The following RAET1E variants were observed in gnomAD, a reference collection of about 807,000 sequenced individuals.
RAET1E encodes the protein NKG2D ligand 4.
A neutral mutation model predicts 21.1 loss-of-function variants in RAET1E; 27 were observed. That is an observed-to-expected ratio of 1.28 (90% CI 0.94 to 1.76). The LOEUF is 1.76. Among genes scored for constraint, RAET1E ranks in the 40% most tolerant of loss-of-function variants. The pLI, the probability that RAET1E is intolerant of heterozygous loss-of-function variation, is 0.00. For synonymous variants in RAET1E, 113 were observed against 115.0 expected (o/e 0.98, Z 0.11); for missense variants, 310 against 311.3 (o/e 1.00, Z 0.03).
intron 3 of RAET1E, 101 bp from the exon 4 acceptor site, chr6:149,890,246 A>G: frequency 7.5e-7 from 1 of 1,337,958 alleles, no homozygotes; most frequent in Non-Finnish European, 1.0e-6. Flanking sequence ...CCAGGCTAGC[A>G]GAGGCGGGGC....
chr6:149,886,782 T>A lies in RAET1E; in HGVS notation c.*1716A>T, dbSNP rs1191632441. Among the ~76,000 whole-genome samples, 3 of 152,230 alleles carry A rather than the reference T, an allele frequency of 2.0e-5. No homozygotes were observed. Among genetic ancestry groups the A allele is most frequent in the Non-Finnish European group, 4.4e-5 (3 of 68,040 alleles). ...ACACTCCCTGTCAACCCCTTTGCTC[T>A]GTCATTTAGCTTTGATCAGCTTTTT... On this transcript the variant is annotated 3_prime_UTR_variant, in exon 6 of 6. Coordinates refer to ENST00000357183, the MANE Select transcript of RAET1E (RefSeq NM_001394057.1).
chr6:149,890,708 A>C lies in RAET1E; in HGVS notation c.85+109T>G, dbSNP rs1343451703. 3 of 745,950 alleles carry C rather than the reference A, an allele frequency of 4.0e-6. No homozygotes were observed. In the East Asian group the frequency reaches 7.9e-5, roughly 20 times the overall value. 46.2% of individuals were successfully genotyped at this position (745,950 alleles called of 1,614,324 possible). On this transcript the variant is annotated intron_variant, in intron 3 of 5. Transcript: ENST00000357183. The stretch of plus-strand genomic sequence containing the variant: ...GGATCCTCTTCCTCACGTCATCCTT[A>C]AGAGCAGGCACCCACTTGTCTGAAG...
In RAET1E at chr6:149,884,080, T is replaced by C. The variant is rs563366419; in HGVS notation, c.*4418A>G. The C allele has an allele frequency of 5.6e-6, 1 of 180,070 alleles. No individual in the cohort carries two copies. Among genetic ancestry groups the C allele is most frequent in the Non-Finnish European group, 1.2e-5 (1 of 84,524 alleles). The allele number at this position is 180,070 out of a possible 1,614,324, so 11.2% of individuals were successfully genotyped here. On this transcript the variant is annotated 3_prime_UTR_variant, in exon 6 of 6. Transcript: ENST00000357183. Reference sequence around the variant, plus strand: ...TCTCTGTTCTTTGCTTATCTCTCTTTTCTCCCTCACTTTTCTTCTCTCCCT... The same window carrying C: ...TCTCTGTTCTTTGCTTATCTCTCTTCTCTCCCTCACTTTTCTTCTCTCCCT...
chr6:149,897,651 C>T (rs983097446), intron 1 of RAET1E, among the ~76,000 whole-genome samples: 1 of 151,966 alleles, frequency 6.6e-6, no homozygotes, highest in Non-Finnish European at 1.5e-5. Context: ...TTGGCATAAG[C>T]GGAAGGGAGG....
Position 149,884,770 on chromosome 6 carries a change from A to G in RAET1E, c.*3728T>C, listed in dbSNP as rs1777535479. On this transcript the variant is annotated 3_prime_UTR_variant, in exon 6 of 6. Coordinates refer to ENST00000357183, the MANE Select transcript of RAET1E (RefSeq NM_001394057.1). The stretch of plus-strand genomic sequence containing the variant: ...CAGTGGGAACACAGTGGGAAGGCCC[A>G]CAGCGGGGGCAAGAGTCTTCCAGCT... Among the ~76,000 whole-genome samples the G allele has an allele frequency of 1.3e-5, 2 of 152,220 alleles. No homozygotes were observed. Among genetic ancestry groups the G allele is most frequent in the African/African-American group, 4.8e-5 (2 of 41,456 alleles).
chr6:149,893,541 A>C (rs1266284864), intron 2 of RAET1E, among the ~76,000 whole-genome samples: 1 of 152,168 alleles, frequency 6.6e-6, no homozygotes, highest in African/African-American at 2.4e-5. Context: ...TGATTTTTGC[A>C]CATTGATTTT....
In RAET1E at chr6:149,898,107, ACTCT is replaced by A. The variant is rs1778187138; in HGVS notation, c.-411_-408del. ...CTGCTTCCTCAGAGTCTCTGTGCAA[ACTCT>A]CTGAGGAGCAGAAACCAGTTCAGTC... On this transcript the variant is annotated 5_prime_UTR_variant, in exon 1 of 6. Coordinates refer to ENST00000357183, the MANE Select transcript of RAET1E (RefSeq NM_001394057.1). 1 of 151,918 alleles carries A rather than the reference ACTCT, an allele frequency of 6.6e-6. No individual in the cohort carries two copies. The highest frequency in any genetic ancestry group is 2.1e-4 in the South Asian group (1 of 4,808). 9.4% of individuals were successfully genotyped at this position (151,918 alleles called of 1,614,324 possible). A position where few individuals can be genotyped will look rare whatever the true frequency, so the allele number is the denominator to read the frequency against.
intron 3 of RAET1E, 127 bp from the exon 4 acceptor site, chr6:149,890,272 T>A: frequency 1.1e-6 from 1 of 924,422 alleles, no homozygotes; most frequent in Non-Finnish European, 1.6e-6. Flanking sequence ...CATCCCAGAC[T>A]CCCTCAACCT....
chr6:149,897,098 G>A (rs1696065715), intron 1 of RAET1E, among the ~76,000 whole-genome samples: 2 of 152,180 alleles, frequency 1.3e-5, no homozygotes, highest in Admixed American at 6.5e-5. Flanking sequence ...AGTGGCATGA[G>A]CACGGCTCAC....
rs149890564 is a variant in RAET1E, at chr6:149,890,983, G to A, written c.-82C>T. ...TGGTGAAGAAATGTTATCCAACAGC[G>A]TGGGTGTGGGCACTGCCCAAATTCT... On this transcript the variant is annotated 5_prime_UTR_variant, in exon 3 of 6. It adds an upstream start codon to the 5' untranslated region. Coordinates refer to ENST00000357183, the MANE Select transcript of RAET1E (RefSeq NM_001394057.1). The A allele has an allele frequency of 6.7e-3, 6,871 of 1,026,426 alleles. 46 individuals carry two copies. The highest frequency in any genetic ancestry group is 0.013 in the Middle Eastern group (63 of 4,866). The allele number at this position is 1,026,426 out of a possible 1,614,324, so 63.6% of individuals were successfully genotyped here. A position where few individuals can be genotyped will look rare whatever the true frequency, so the allele number is the denominator to read the frequency against.
chr6:149,889,907 G>C lies in RAET1E; in HGVS notation c.324C>G (p.Ile108Met). ...TACCACTGGTCTTTATCTGGGGTTTGATGTCACAAAGGAGCATCCTGAGGT... is the reference window on the plus strand; with the variant it reads ...TACCACTGGTCTTTATCTGGGGTTTCATGTCACAAAGGAGCATCCTGAGGT... ...GRDLRMLLCDIKPQIKTSDPS... is the reference protein window; with the variant it reads ...GRDLRMLLCDMKPQIKTSDPS... Residue 108 changes from isoleucine to methionine, a missense_variant, in exon 4 of 6, where the codon ATC becomes ATG. Transcript: ENST00000357183. The C allele has an allele frequency of 6.2e-7, 1 of 1,613,654 alleles. No individual in the cohort carries two copies. Among genetic ancestry groups the C allele is most frequent in the East Asian group, 2.2e-5 (1 of 44,862 alleles).
intron 2 of RAET1E, among the ~76,000 whole-genome samples, chr6:149,894,568 G>A (rs1373201617): frequency 6.6e-6 from 1 of 151,742 alleles, no homozygotes; most frequent in East Asian, 1.9e-4. Flanking sequence ...TGATTGATTT[G>A]GCTATTGATA....
chr6:149,897,856 TC>T (rs1778178029), intron 1 of RAET1E, among the ~76,000 whole-genome samples, 164 bp downstream of exon 1: 1 of 151,558 alleles, frequency 6.6e-6, no homozygotes, highest in South Asian at 2.1e-4. Flanking sequence ...TTATCCAGCG[TC>T]CCCGCCGCCA....
At chr6:149,896,585 A>G (rs1305625448) in intron 1 of RAET1E, among the ~76,000 whole-genome samples, 1 of 152,062 alleles carries the variant, frequency 6.6e-6, no homozygotes, top group African/African-American at 2.4e-5. Context: ...CGCCCTGCCA[A>G]TACTGCTGCT....
intron 2 of RAET1E, among the ~76,000 whole-genome samples, chr6:149,892,329 G>A (rs1307273076): frequency 2.0e-5 from 3 of 152,208 alleles, no homozygotes; most frequent in Non-Finnish European, 2.9e-5. Flanking sequence ...CACCAACAGT[G>A]TAAAAGTGTT....
At chr6:149,891,138 A>G (rs942943850) in intron 2 of RAET1E, 104 bp from the exon 3 acceptor site, 9 of 422,198 alleles carry the variant, frequency 2.1e-5, no homozygotes, top group African/African-American at 1.8e-4. Context: ...TAAAAACAAA[A>G]TTAACTTTGA....
In RAET1E at chr6:149,897,213, G is replaced by T. The variant is rs561570378; in HGVS notation, c.-321+808C>A. On this transcript the variant is annotated intron_variant, in intron 1 of 5. Coordinates refer to ENST00000357183, the MANE Select transcript of RAET1E (RefSeq NM_001394057.1). ...ACACCCAGCTAATTTTTAAATTTTT[G>T]GTGTGGAGATGGGGTCTCATCACGT... Among the ~76,000 whole-genome samples the T allele has an allele frequency of 1.8e-4, 27 of 151,898 alleles. No homozygotes were observed. The East Asian group carries it at 5.2e-3, about 29-fold the overall frequency.
Position 149,888,653 on chromosome 6 carries a change from C to G in RAET1E, c.637G>C (p.Ala213Pro). 1.3e-6 allele frequency: 2 copies of G among 1,555,418 alleles called. No homozygotes were observed. Among genetic ancestry groups the G allele is most frequent in the Non-Finnish European group, 1.7e-6 (2 of 1,163,512 alleles). ...GAAGAAGACCAGTGGATATCTGAAGCATTTACTGGTGACACTAAAAAAAAA... is the reference window on the plus strand; with the variant it reads ...GAAGAAGACCAGTGGATATCTGAAGGATTTACTGGTGACACTAAAAAAAAA... ...MPEPTVSPVN[A>P]SDIHWSSSSL... The change falls in exon 6 of 6, where the codon GCT becomes CCT. Residue 213 changes from alanine (A) to proline (P), a missense_variant. Coordinates refer to ENST00000357183, the MANE Select transcript of RAET1E (RefSeq NM_001394057.1).
At chr6:149,897,597 A>G (rs1281071859) in intron 1 of RAET1E, among the ~76,000 whole-genome samples, 1 of 152,144 alleles carries the variant, frequency 6.6e-6, no homozygotes, top group Non-Finnish European at 1.5e-5. Flanking sequence ...TTCAACACTC[A>G]GGCTAGGAAT....
Sources: allele counts gnomAD v4.1 joint callset (sites outside exome capture counted in the v4.1 genomes callset), GRCh38; gene constraint gnomAD v4.1.1; transcripts MANE v1.5; gene names NCBI Gene and HGNC (gene_info 2026-07-23, HGNC 2026-07-21).